Variants in FAM200C observed in about 807,000 individuals in gnomAD.
the FAM200C span, chr5:160,400,043 T>G: frequency 1.5e-4 from 23 of 152,398 alleles, no homozygotes; most frequent in Admixed American, 1.3e-3. Flanking sequence ...CCGGGTTCCA[T>G]CCGGGTTCTC....
At chr5:160,396,446 G>C in the FAM200C span, among the ~76,000 whole-genome samples, 1 of 152,000 alleles carries the variant, frequency 6.6e-6, no homozygotes, top group East Asian at 1.9e-4. Flanking sequence ...ATGATTCATA[G>C]TGTCCATATA....
At chr5:160,393,880 TG>T in the FAM200C span, 1 of 1,614,132 alleles carries the variant, frequency 6.2e-7, no homozygotes, top group Non-Finnish European at 8.5e-7. Context: ...TAGTTGCAAA[TG>T]GCATAAGGAT....
chr5:160,397,980 G>A, the FAM200C span, among the ~76,000 whole-genome samples: 1 of 152,222 alleles, frequency 6.6e-6, no homozygotes, highest in African/African-American at 2.4e-5. Flanking sequence ...GGTGGCTCAC[G>A]CCTGCTACCC....
At chr5:160,393,594 A>G in the FAM200C span, 1 of 829,850 alleles carries the variant, frequency 1.2e-6, no homozygotes, top group Non-Finnish European at 1.9e-6. Context: ...TAAAGTTCTT[A>G]AGTTTTTTAG....
At chr5:160,394,991 G>A in the FAM200C span, 1 of 1,613,756 alleles carries the variant, frequency 6.2e-7, no homozygotes, top group Non-Finnish European at 8.5e-7. Context: ...AAGAGGACTG[G>A]CTTTGATATC....
At chr5:160,397,916 TA>T in the FAM200C span, among the ~76,000 whole-genome samples, 5 of 152,156 alleles carry the variant, frequency 3.3e-5, no homozygotes, top group African/African-American at 1.2e-4. Context: ...GAAGAGGGAA[TA>T]AAGGAAAATG....
chr5:160,398,110 C>T, the FAM200C span, among the ~76,000 whole-genome samples: 1 of 152,008 alleles, frequency 6.6e-6, no homozygotes, highest in Non-Finnish European at 1.5e-5. Context: ...GGTGTGGTGG[C>T]GCATGCCTGT....
the FAM200C span, chr5:160,400,032 C>T: frequency 6.6e-6 from 1 of 152,422 alleles, no homozygotes; most frequent in Non-Finnish European, 1.5e-5. Flanking sequence ...CTCAGCCAGG[C>T]CCGGGTTCCA....
chr5:160,395,523 G>T, the FAM200C span: 3 of 1,569,834 alleles, frequency 1.9e-6, no homozygotes, highest in Non-Finnish European at 2.6e-6. Context: ...GTATTCCAGA[G>T]ATGCCACAGA....
the FAM200C span, chr5:160,394,006 A>T: frequency 6.2e-7 from 1 of 1,613,444 alleles, no homozygotes; most frequent in East Asian, 2.2e-5. Context: ...GTAATTCAGC[A>T]AGATCATTTT....
At chr5:160,395,344 G>A in the FAM200C span, 3 of 1,614,146 alleles carry the variant, frequency 1.9e-6, no homozygotes, top group Non-Finnish European at 1.7e-6. Flanking sequence ...TGTTAAAATG[G>A]TCTGACAGTT....
At chr5:160,397,969 C>T in the FAM200C span, among the ~76,000 whole-genome samples, 1 of 152,206 alleles carries the variant, frequency 6.6e-6, no homozygotes, top group African/African-American at 2.4e-5. Context: ...GGGCCCTGCA[C>T]GGTGGCTCAC....
the FAM200C span, among the ~76,000 whole-genome samples, chr5:160,397,230 C>T: frequency 2.0e-5 from 3 of 152,188 alleles, no homozygotes; most frequent in Non-Finnish European, 2.9e-5. Flanking sequence ...GGAATAAAAA[C>T]GTATCCTTCA....
At chr5:160,400,047 G>C in the FAM200C span, 1 of 152,308 alleles carries the variant, frequency 6.6e-6, no homozygotes, top group African/African-American at 2.4e-5. Context: ...GTTCCATCCG[G>C]GTTCTCCAGG....
At chr5:160,399,119 A>G in the FAM200C span, among the ~76,000 whole-genome samples, 1 of 152,252 alleles carries the variant, frequency 6.6e-6, no homozygotes, top group African/African-American at 2.4e-5. Context: ...AACTTTCCAT[A>G]ATAAAAAGAT....
At chr5:160,395,390 T>C in the FAM200C span, 1 of 1,614,072 alleles carries the variant, frequency 6.2e-7, no homozygotes, top group Non-Finnish European at 8.5e-7. Context: ...AAATACTGAG[T>C]TACACAACAC....
the FAM200C span, chr5:160,393,648 C>T: frequency 1.6e-6 from 2 of 1,229,150 alleles, no homozygotes; most frequent in Non-Finnish European, 1.1e-6. Context: ...GACAGAATTA[C>T]AGCTTAATTT....
chr5:160,394,120 G>C, the FAM200C span: 5 of 1,613,522 alleles, frequency 3.1e-6, no homozygotes, highest in Non-Finnish European at 4.2e-6. Context: ...ATCCATGGAA[G>C]AAGTTGCTCA....
At chr5:160,398,141 C>T in the FAM200C span, among the ~76,000 whole-genome samples, 1 of 152,178 alleles carries the variant, frequency 6.6e-6, no homozygotes, top group East Asian at 1.9e-4. Context: ...ACTCGGGAGG[C>T]TGAGGCAGGA....
Sources: gnomAD v4.1 joint callset for allele counts (sites outside exome capture counted in the v4.1 genomes callset) on GRCh38, gnomAD v4.1.1 for gene constraint, MANE v1.5 for transcripts.